Variants in TMEM144 observed in about 807,000 individuals in gnomAD.
TMEM144 encodes transmembrane protein 144.
A neutral mutation model predicts 43.6 loss-of-function variants in TMEM144; 39 were observed. That is an observed-to-expected ratio of 0.90 (90% CI 0.69 to 1.17). The LOEUF is 1.17. Among genes scored for constraint, TMEM144 ranks in the 50% most tolerant of loss-of-function variants. The pLI is 0.00. For synonymous variants in TMEM144, 154 were observed against 133.6 expected, an observed-to-expected ratio of 1.15 and a Z score of -1.06; for missense variants, 417 against 411.9, an observed-to-expected ratio of 1.01 and a Z score of -0.11.
chr4:158,219,386 G>C lies in TMEM144; in HGVS notation c.409G>C (p.Val137Leu). ...TTACATTGGAGCTGGGCTATCAGTA[G>C]TAAGGTACACAGTCATTTCTAGTGA... is the stretch of plus-strand genomic sequence containing the variant. Reference protein sequence around the residue: ...LNYIGAGLSVVSAFIFLFIKS... With the variant: ...LNYIGAGLSVLSAFIFLFIKS... Residue 137 changes from valine (V) to leucine (L), a missense_variant, in exon 6 of 13, where the codon GTA (valine) becomes CTA (leucine). Val to Leu is a conservative substitution (Grantham distance 32). Transcript: ENST00000296529. 6.2e-7 allele frequency: 1 copy of C among 1,613,648 alleles called. No homozygotes were observed. The highest frequency in any genetic ancestry group is 8.5e-7 in the Non-Finnish European group (1 of 1,179,622).
intron 12 of TMEM144, among the ~76,000 whole-genome samples, chr4:158,245,820 C>A (rs986757835): frequency 2.6e-5 from 4 of 151,846 alleles, no homozygotes; most frequent in African/African-American, 9.7e-5. Flanking sequence ...CACAGCCACT[C>A]AGAAGGCTAA....
intron 12 of TMEM144, among the ~76,000 whole-genome samples, chr4:158,251,011 A>G (rs1425118143): frequency 1.3e-5 from 2 of 152,128 alleles, no homozygotes; most frequent in Admixed American, 1.3e-4. Context: ...CAGGATACCA[A>G]CTGCTGCCTA....
At chr4:158,245,039 T>G (rs1735817731) in intron 12 of TMEM144, among the ~76,000 whole-genome samples, 1 of 152,130 alleles carries the variant, frequency 6.6e-6, no homozygotes, top group South Asian at 2.1e-4. Context: ...TCCCCTGAGG[T>G]AAATCATCTT....
In TMEM144 at chr4:158,217,355, T is replaced by G. The variant is rs1485251118; in HGVS notation, c.267T>G (p.Ile89Met). Residue 89 changes from isoleucine (I) to methionine (M), a missense_variant, in exon 5 of 13, where the codon ATT (isoleucine) becomes ATG (methionine). Physicochemically the swap from Ile to Met is conservative, Grantham distance 10. Coordinates refer to ENST00000296529, the MANE Select transcript of TMEM144 (RefSeq NM_018342.5). ...NIAVVPIIKT[I>M]GLGLGILIWG... is the part of the protein sequence containing the mutation. The stretch of plus-strand genomic sequence containing the variant: ...CTGTTGTCCCAATTATCAAAACCAT[T>G]GGTTTAGGCCTTGGAATCTTAATCT... 1.2e-6 allele frequency: 2 copies of G among 1,613,052 alleles called. No homozygotes were observed. The highest frequency in any genetic ancestry group is 1.7e-6 in the Non-Finnish European group (2 of 1,179,402).
intron 12 of TMEM144, among the ~76,000 whole-genome samples, chr4:158,248,438 CATAA>C (rs1736004394): frequency 6.6e-6 from 1 of 152,160 alleles, no homozygotes; most frequent in African/African-American, 2.4e-5. Context: ...TAACTAACCA[CATAA>C]ATAAATAAAC....
At chr4:158,216,321 G>A (rs1734220753) in intron 4 of TMEM144, among the ~76,000 whole-genome samples, 1 of 152,200 alleles carries the variant, frequency 6.6e-6, no homozygotes, top group African/African-American at 2.4e-5. Flanking sequence ...ATAGCATATA[G>A]GACATAGCAG....
intron 11 of TMEM144, among the ~76,000 whole-genome samples, chr4:158,243,304 C>G (rs1466740894): frequency 1.3e-5 from 2 of 152,170 alleles, no homozygotes; most frequent in East Asian, 3.9e-4. Context: ...ATTTCTCTGG[C>G]TCTTTTGATG....
intron 12 of TMEM144, among the ~76,000 whole-genome samples, chr4:158,249,586 A>C (rs1452446156): frequency 6.6e-6 from 1 of 152,200 alleles, no homozygotes; most frequent in Non-Finnish European, 1.5e-5. Flanking sequence ...AAGGGGAAAA[A>C]AATTTTTCAT....
intron 6 of TMEM144, among the ~76,000 whole-genome samples, chr4:158,225,346 G>T (rs1181645827): frequency 6.6e-6 from 1 of 152,150 alleles, no homozygotes; most frequent in Non-Finnish European, 1.5e-5. Context: ...CAGGGCTGGG[G>T]CTGACATGAG....
chr4:158,219,197 A>C, intron 5 of TMEM144, 113 bp from the exon 6 acceptor site: 1 of 964,806 alleles, frequency 1.0e-6, no homozygotes, highest in South Asian at 1.5e-5. Context: ...ACAGCTAATA[A>C]GTGAGAGAGC....
intron 6 of TMEM144, among the ~76,000 whole-genome samples, chr4:158,231,512 A>G (rs1735077719): frequency 6.6e-6 from 1 of 152,204 alleles, no homozygotes; most frequent in Non-Finnish European, 1.5e-5. Flanking sequence ...ATTGTGGCAA[A>G]TGGTCTAGAT....
Position 158,235,430 on chromosome 4 carries a change from T to G in TMEM144, c.496-8T>G. ...TTTTGTTTTAATTTGGGCCAATGTT[T>G]TCAATAGGTGATCAACACAACCCAA... is the stretch of plus-strand genomic sequence containing the variant. On this transcript the variant is annotated splice_polypyrimidine_tract_variant and splice_region_variant and intron_variant, in intron 7 of 12. Transcript: ENST00000296529. 1 of 1,613,638 alleles carries G rather than the reference T, an allele frequency of 6.2e-7. No individual in the cohort carries two copies. The highest frequency in any genetic ancestry group is 8.5e-7 in the Non-Finnish European group (1 of 1,179,756).
chr4:158,235,279 A>G, intron 7 of TMEM144, 159 bp from the exon 8 acceptor site: 1 of 642,980 alleles, frequency 1.6e-6, no homozygotes, highest in Non-Finnish European at 2.4e-6. Flanking sequence ...AAACAATTAG[A>G]AACAGTTGAG....
At chr4:158,226,231 AGT>A (rs1436130003) in intron 6 of TMEM144, among the ~76,000 whole-genome samples, 2 of 152,222 alleles carry the variant, frequency 1.3e-5, no homozygotes, top group East Asian at 1.9e-4. Context: ...CCTTTATATT[AGT>A]GTGTTATTAA....
At position 158,232,978 on chromosome 4, in the gene TMEM144, A is replaced by G. The variant is rs781169318; in HGVS notation, c.491A>G (p.Glu164Gly). 1 of 1,605,464 alleles carries G rather than the reference A, an allele frequency of 6.2e-7. No individual in the cohort carries two copies. The highest frequency in any genetic ancestry group is 8.5e-7 in the Non-Finnish European group (1 of 1,174,412). Residue 164 changes from glutamate (E) to glycine (G), a missense_variant, in exon 7 of 13, where the codon GAG becomes GGG. Physicochemically the swap from Glu to Gly is moderately conservative, Grantham distance 98 (BLOSUM62 -2). Transcript: ENST00000296529. ...ATGGATACCACTCCATTAATAACAG[A>G]GCATGTGAGTATAGTATGAGAGACA... ...CSMDTTPLITEHVINTTQDPC... is the reference protein window; with the variant it reads ...CSMDTTPLITGHVINTTQDPC...
At chr4:158,244,147 T>G (rs1316983007) in intron 11 of TMEM144, 149 bp from the exon 12 acceptor site, 1 of 405,716 alleles carries the variant, frequency 2.5e-6, no homozygotes. Context: ...TAATATCACC[T>G]AAAGTTTAGC....
At chr4:158,251,976 C>T (rs1048270288) in intron 12 of TMEM144, among the ~76,000 whole-genome samples, 1 of 152,106 alleles carries the variant, frequency 6.6e-6, no homozygotes, top group Non-Finnish European at 1.5e-5. Flanking sequence ...TCAGGGGGAG[C>T]AGCCAGGACA....
At chr4:158,230,631 A>G (rs946616218) in intron 6 of TMEM144, among the ~76,000 whole-genome samples, 15 of 151,808 alleles carry the variant, frequency 9.9e-5, no homozygotes, top group African/African-American at 2.9e-4. Context: ...TTACACAAAT[A>G]TGTGTGTGTA....
rs1433630686 is a variant in TMEM144, at chr4:158,235,424, A to C, written c.496-14A>C. 1 of 1,612,970 alleles carries C rather than the reference A, an allele frequency of 6.2e-7. No homozygotes were observed. Among genetic ancestry groups the C allele is most frequent in the East Asian group, 2.2e-5 (1 of 44,858 alleles). ...ATGTTCTTTTGTTTTAATTTGGGCC[A>C]ATGTTTTCAATAGGTGATCAACACA... On this transcript the variant is annotated splice_polypyrimidine_tract_variant and intron_variant, in intron 7 of 12. Transcript: ENST00000296529.
Sources: allele counts gnomAD v4.1 joint callset (sites outside exome capture counted in the v4.1 genomes callset), GRCh38; gene constraint gnomAD v4.1.1; transcripts MANE v1.5; gene names NCBI Gene and HGNC (gene_info 2026-07-23, HGNC 2026-07-21).